Variants in THBS2 observed in about 807,000 individuals in gnomAD.
THBS2 encodes thrombospondin-2.
A neutral mutation model predicts 135.2 loss-of-function variants in THBS2; 47 were observed. The observed-to-expected ratio is 0.35, with a 90% CI of 0.28 to 0.44. THBS2 has a LOEUF of 0.44. Among genes scored for constraint, THBS2 ranks in the 20% least tolerant of loss-of-function variants. THBS2 has a pLI of 1.00. For missense variants in THBS2, 1,288 were observed against 1,603.1 expected, an observed-to-expected ratio of 0.80 and a Z score of 3.36; for synonymous variants, 639 against 633.8, an observed-to-expected ratio of 1.01 and a Z score of -0.12.
intron 15 of THBS2, among the ~76,000 whole-genome samples, 175 bp downstream of exon 15, chr6:169,227,947 G>A (rs1779698596): frequency 6.6e-6 from 1 of 152,142 alleles, no homozygotes; most frequent in Admixed American, 6.5e-5. Context: ...TAGGCGTGGT[G>A]GTGTGCACCT....
chr6:169,249,090 T>G, intron 2 of THBS2, 117 bp from the exon 3 acceptor site: 3 of 941,702 alleles, frequency 3.2e-6, no homozygotes, highest in Non-Finnish European at 3.1e-6. Context: ...CCTCCCAATA[T>G]CCCGCAGCTT....
chr6:169,236,639 A>G (rs1406906019), intron 9 of THBS2, among the ~76,000 whole-genome samples: 2 of 104,928 alleles, frequency 1.9e-5, no homozygotes, highest in Non-Finnish European at 3.9e-5. Flanking sequence ...ACTCCCATCC[A>G]CACTCGCCAT....
intron 10 of THBS2, 22 bp downstream of exon 10, chr6:169,234,712 C>T (rs1220557151): frequency 1.3e-6 from 2 of 1,501,636 alleles, no homozygotes; most frequent in Non-Finnish European, 1.8e-6. Flanking sequence ...TTTCAGTGCC[C>T]CCGCTTCTAC....
intron 4 of THBS2, 87 bp downstream of exon 4, chr6:169,246,110 C>T (rs1475204971): frequency 1.8e-6 from 2 of 1,095,366 alleles, no homozygotes; most frequent in Non-Finnish European, 1.4e-6. Context: ...CATGAATGCA[C>T]ACACATACAC....
At chr6:169,219,838 T>TTTCCTTCG in intron 21 of THBS2, 2 of 536,178 alleles carry the variant, frequency 3.7e-6, no homozygotes, top group African/African-American at 1.9e-5. Flanking sequence ...TCCTTCCTTC[T>TTTCCTTCG]TTCCTTCCTG....
rs761948272 is a variant in THBS2, at chr6:169,223,308, T to C, written c.2941A>G (p.Ile981Val). 3 of 1,614,216 alleles carry C rather than the reference T, an allele frequency of 1.9e-6. No homozygotes were observed. The highest frequency in any genetic ancestry group is 2.5e-6 in the Non-Finnish European group (3 of 1,180,048). Residue 981 changes from isoleucine to valine, a missense_variant, in exon 18 of 22, where the codon ATT (isoleucine) becomes GTT (valine). Around this residue, in one of 2 missense-constraint regions of THBS2, gnomAD observed 874 missense variants for 1,156.1 expected, o/e 0.76. Coordinates refer to ENST00000617924, the MANE Select transcript of THBS2 (RefSeq NM_003247.5). ...ACCAGCTCCTTGCCTTGATGGCGAA[T>C]GACCCAGTTGGGATCAATTTGGGTG... ...GTTQIDPNWV[I>V]RHQGKELVQT...
At chr6:169,243,113 A>T (rs1349597161) in intron 4 of THBS2, among the ~76,000 whole-genome samples, 1 of 11,310 alleles carries the variant, frequency 8.8e-5, no homozygotes. Context: ...CCTTCCCACC[A>T]CTCCTACCTT....
chr6:169,241,439 ATG>A lies in THBS2; in HGVS notation c.891+321_891+322del, dbSNP rs147574702. 9.7e-4 allele frequency among the ~76,000 whole-genome samples: 121 copies of A among 124,214 alleles called. No individual in the cohort carries two copies. Among genetic ancestry groups the A allele is most frequent in the South Asian group, 3.4e-3 (13 of 3,842 alleles). 81.5% of individuals were successfully genotyped at this position (124,214 alleles called of 152,430 possible). ...TGTATGTGTGTGTATGTGTGTGTGT[ATG>A]TGTGTGTGTGTGTGTACACTCATAC... On this transcript the variant is annotated intron_variant, in intron 5 of 21. Transcript: ENST00000617924. This position sits in a 1 kb window ranked among gnomAD's most constrained non-coding sequence, Gnocchi z 5.5.
At chr6:169,221,056 T>C (rs1335516480) in intron 20 of THBS2, among the ~76,000 whole-genome samples, 1 of 152,254 alleles carries the variant, frequency 6.6e-6, no homozygotes, top group Non-Finnish European at 1.5e-5. Flanking sequence ...CAAAACTTCA[T>C]ACAACCGTGT....
intron 17 of THBS2, among the ~76,000 whole-genome samples, chr6:169,224,108 G>A (rs1779533051): frequency 6.7e-6 from 1 of 148,548 alleles, no homozygotes; most frequent in Non-Finnish European, 1.5e-5. Context: ...AGATTGCAAT[G>A]TACTGAATTA....
intron 13 of THBS2, among the ~76,000 whole-genome samples, chr6:169,230,820 T>C (rs547173725): frequency 6.6e-6 from 1 of 152,302 alleles, no homozygotes; most frequent in South Asian, 2.1e-4. Flanking sequence ...CAGTGCCTCG[T>C]TGATTTTAAA....
chr6:169,226,113 C>T, intron 16 of THBS2, 67 bp downstream of exon 16: 1 of 1,481,906 alleles, frequency 6.7e-7, no homozygotes, highest in East Asian at 2.3e-5. Flanking sequence ...TGATCCCCCA[C>T]ACCGCCACCG....
chr6:169,231,901 C>G (rs1394302343), intron 13 of THBS2, 79 bp downstream of exon 13: 11 of 1,521,300 alleles, frequency 7.2e-6, no homozygotes, highest in Non-Finnish European at 9.8e-6. Flanking sequence ...CCCCCGCCCC[C>G]CGTCCGCGTA....
intron 3 of THBS2, among the ~76,000 whole-genome samples, chr6:169,247,991 G>A (rs776295594): frequency 6.6e-6 from 1 of 151,980 alleles, no homozygotes; most frequent in Non-Finnish European, 1.5e-5. Flanking sequence ...ACATGGGCAT[G>A]CATATGTGAG....
chr6:169,217,974 AATGGATGGGTGGATGGATGAG>A lies in THBS2; in HGVS notation c.3512-166_3512-146del, dbSNP rs1779237348. On this transcript the variant is annotated intron_variant, in intron 21 of 21. Transcript: ENST00000617924. ...TATGGATGGATGGATGGATGGATGA[AATGGATGGGTGGATGGATGAG>A]ATGGGTGGGTGGATGGATGAGATGG... 5.7e-5 allele frequency: 39 copies of A among 688,070 alleles called. 1 individual carries two copies. In the South Asian group the frequency reaches 7.8e-4, roughly 14 times the overall value. The allele number at this position is 688,070 out of a possible 1,614,324, so 42.6% of individuals were successfully genotyped here. A position where few individuals can be genotyped will look rare whatever the true frequency, so the allele number is the denominator to read the frequency against.
chr6:169,243,087 T>C (rs376687478), intron 4 of THBS2, among the ~76,000 whole-genome samples: 314 of 7,810 alleles, frequency 0.04, no homozygotes, highest in African/African-American at 0.11. Flanking sequence ...ACCTTCCCAC[T>C]GCTCCCACCT....
At chr6:169,247,587 C>A (rs1236805417) in intron 3 of THBS2, among the ~76,000 whole-genome samples, 1 of 151,966 alleles carries the variant, frequency 6.6e-6, no homozygotes, top group Non-Finnish European at 1.5e-5. Context: ...ATGTGTGTGA[C>A]TGTGTATGGT....
chr6:169,230,138 A>C (rs1215045233), intron 13 of THBS2, among the ~76,000 whole-genome samples: 2 of 152,246 alleles, frequency 1.3e-5, no homozygotes, highest in African/African-American at 4.8e-5. Flanking sequence ...TGTATGTGAT[A>C]TGTTCAGAAA....
intron 1 of THBS2, among the ~76,000 whole-genome samples, chr6:169,253,219 T>C (rs1325528473): frequency 6.6e-6 from 1 of 151,980 alleles, no homozygotes; most frequent in Non-Finnish European, 1.5e-5. Flanking sequence ...GAGTCTCTCT[T>C]TAATCTACTA....
Sources: gnomAD v4.1 joint callset for allele counts (sites outside exome capture counted in the v4.1 genomes callset) on GRCh38, gnomAD v4.1.1 for gene constraint, gnomAD v4.1.1 regional missense constraint, Gnocchi (gnomAD v3.1) non-coding constraint, MANE v1.5 for transcripts, NCBI Gene and HGNC (gene_info 2026-07-23, HGNC 2026-07-21) for gene names.